PIP5K1B: variants seen among roughly 807,000 people sequenced by gnomAD.
The protein encoded by PIP5K1B is phosphatidylinositol-4-phosphate 5-kinase type 1 beta, also known as phosphatidylinositol 4-phosphate 5-kinase type-1 beta.
A neutral mutation model predicts 67.0 loss-of-function variants in PIP5K1B; 42 were observed. That is an observed-to-expected ratio of 0.63 (90% CI 0.49 to 0.81). PIP5K1B has a LOEUF of 0.81. Among genes scored for constraint, PIP5K1B ranks in the 30% least tolerant of loss-of-function variants. The pLI is 0.00. For synonymous variants in PIP5K1B, 214 were observed against 231.4 expected, an observed-to-expected ratio of 0.92 and a Z score of 0.68; for missense variants, 459 against 646.3, an observed-to-expected ratio of 0.71 and a Z score of 3.14.
chr9:68,912,453 G>GA (rs776655652), intron 8 of PIP5K1B, among the ~76,000 whole-genome samples: 3 of 152,120 alleles, frequency 2.0e-5, no homozygotes, highest in Admixed American at 1.3e-4. Flanking sequence ...AGGGAGAGGG[G>GA]AGATTCAAGG....
At chr9:68,985,898 G>C (rs4744771) in intron 14 of PIP5K1B, among the ~76,000 whole-genome samples, 3,218 of 152,282 alleles carry the variant, frequency 0.021, 175 homozygotes, top group Admixed American at 0.12. Context: ...CTTTCACTTG[G>C]CATAATGTTT....
intron 1 of PIP5K1B, among the ~76,000 whole-genome samples, chr9:68,708,732 A>T (rs183587740): frequency 3.9e-5 from 6 of 152,178 alleles, no homozygotes; most frequent in African/African-American, 1.4e-4. Flanking sequence ...GAACCTAGTT[A>T]ACAAAACCAA....
At chr9:68,890,018 A>T (rs1003754793) in intron 7 of PIP5K1B, among the ~76,000 whole-genome samples, 3 of 152,198 alleles carry the variant, frequency 2.0e-5, no homozygotes, top group Non-Finnish European at 2.9e-5. Flanking sequence ...ATTGAGGCAA[A>T]GATAAATTAA....
intron 14 of PIP5K1B, among the ~76,000 whole-genome samples, chr9:68,986,225 C>G (rs372441984): frequency 2.0e-5 from 3 of 152,204 alleles, no homozygotes; most frequent in African/African-American, 7.2e-5. Context: ...ATGAGGGCTT[C>G]AGTTGCTCTA....
intron 1 of PIP5K1B, among the ~76,000 whole-genome samples, chr9:68,712,879 C>G (rs923593468): frequency 6.6e-6 from 1 of 152,192 alleles, no homozygotes; most frequent in Non-Finnish European, 1.5e-5. Flanking sequence ...AAAATGGGCT[C>G]TAAATGTACC....
chr9:68,721,863 T>A (rs762574718), intron 1 of PIP5K1B, among the ~76,000 whole-genome samples: 3 of 152,216 alleles, frequency 2.0e-5, no homozygotes, highest in Non-Finnish European at 2.9e-5. Flanking sequence ...CTTGTTGATC[T>A]TCACTTGCAA....
chr9:68,860,816 C>T (rs1252805416), intron 4 of PIP5K1B, among the ~76,000 whole-genome samples: 1 of 152,176 alleles, frequency 6.6e-6, no homozygotes, highest in Admixed American at 6.5e-5. Flanking sequence ...TGGAGTGTAA[C>T]TTGGGACTCT....
At chr9:68,813,545 T>C (rs1023799739) in intron 2 of PIP5K1B, among the ~76,000 whole-genome samples, 1 of 152,240 alleles carries the variant, frequency 6.6e-6, no homozygotes, top group Non-Finnish European at 1.5e-5. Context: ...CCGTGTATTA[T>C]GTTCCCTAGA....
At chr9:68,865,588 C>T (rs909691394) in intron 5 of PIP5K1B, among the ~76,000 whole-genome samples, 64 of 152,170 alleles carry the variant, frequency 4.2e-4, no homozygotes, top group Non-Finnish European at 7.8e-4. Context: ...GGTATAAAGA[C>T]GTTCCATGTG....
chr9:68,934,701 T>C (rs1340474636), intron 12 of PIP5K1B, among the ~76,000 whole-genome samples, 189 bp from the exon 13 acceptor site: 1 of 152,218 alleles, frequency 6.6e-6, no homozygotes, highest in Non-Finnish European at 1.5e-5. Context: ...ACAAATAATA[T>C]AGCCAATTCA....
chr9:68,804,208 A>G (rs1832747001), intron 2 of PIP5K1B, among the ~76,000 whole-genome samples: 1 of 152,174 alleles, frequency 6.6e-6, no homozygotes, highest in African/African-American at 2.4e-5. Context: ...GAAGGAGTTC[A>G]CATGCTCATA....
intron 14 of PIP5K1B, among the ~76,000 whole-genome samples, chr9:68,951,992 C>T (rs1181859627): frequency 6.6e-6 from 1 of 152,102 alleles, no homozygotes; most frequent in Admixed American, 6.5e-5. Flanking sequence ...TTTTCTCCAC[C>T]CGACACATAC....
intron 1 of PIP5K1B, among the ~76,000 whole-genome samples, chr9:68,723,141 G>A (rs796286055): frequency 2.2e-4 from 33 of 151,924 alleles, no homozygotes; most frequent in African/African-American, 6.8e-4. Flanking sequence ...GTTCTTTTCT[G>A]TAGCTGAATA....
intron 1 of PIP5K1B, among the ~76,000 whole-genome samples, chr9:68,740,836 A>G (rs1174977794): frequency 3.3e-5 from 5 of 152,212 alleles, no homozygotes; most frequent in African/African-American, 7.2e-5. Context: ...ATGTCACAAG[A>G]TCTGAGCTCA....
intron 4 of PIP5K1B, among the ~76,000 whole-genome samples, chr9:68,848,020 C>A (rs1822284636): frequency 6.6e-6 from 1 of 152,144 alleles, no homozygotes; most frequent in Non-Finnish European, 1.5e-5. Context: ...GTTAACAGAT[C>A]TAGGTTCAAG....
At chr9:68,815,166 T>C (rs1421077055) in intron 2 of PIP5K1B, among the ~76,000 whole-genome samples, 1 of 151,850 alleles carries the variant, frequency 6.6e-6, no homozygotes, top group Non-Finnish European at 1.5e-5. Context: ...AATGACAAAT[T>C]CTCTGGAAGT....
At chr9:68,833,337 C>T (rs951189366) in intron 4 of PIP5K1B, among the ~76,000 whole-genome samples, 10 of 152,070 alleles carry the variant, frequency 6.6e-5, no homozygotes, top group Non-Finnish European at 1.3e-4. Flanking sequence ...GTGTGCTTGG[C>T]AGAGAGAATG....
At chr9:68,896,634 C>T (rs894528067) in intron 8 of PIP5K1B, among the ~76,000 whole-genome samples, 1 of 152,178 alleles carries the variant, frequency 6.6e-6, no homozygotes, top group Non-Finnish European at 1.5e-5. Flanking sequence ...GTACATCTGC[C>T]TTCAGAAAGG....
Position 68,992,013 on chromosome 9 carries a change from T to C in PIP5K1B, c.1620+756T>C, listed in dbSNP as rs1003607269. Among the ~76,000 whole-genome samples, 13 of 152,188 alleles carry C rather than the reference T, an allele frequency of 8.5e-5. 1 individual carries two copies. Among genetic ancestry groups the C allele is most frequent in the Admixed American group, 6.5e-5 (1 of 15,282 alleles). On this transcript the variant is annotated intron_variant, in intron 15 of 15. Coordinates refer to ENST00000265382, the MANE Select transcript of PIP5K1B (RefSeq NM_003558.4). ...AGAGTTTTGCTCTTGTTGCCCAGGC[T>C]GGAGTGCAATGGTGCGATCTCGGCT...
Sources: allele counts gnomAD v4.1 joint callset (sites outside exome capture counted in the v4.1 genomes callset), GRCh38; gene constraint gnomAD v4.1.1; transcripts MANE v1.5; gene names NCBI Gene and HGNC (gene_info 2026-07-23, HGNC 2026-07-21).